Variants in MGRN1 observed in about 807,000 individuals in gnomAD.
The protein encoded by MGRN1 is mahogunin ring finger 1.
A neutral mutation model predicts 69.2 loss-of-function variants in MGRN1; 29 were observed. The ratio of observed to expected loss-of-function variants is 0.42; its 90% confidence interval spans 0.31 to 0.57. The LOEUF is 0.57. Among genes scored for constraint, MGRN1 ranks in the 20% least tolerant of loss-of-function variants. MGRN1 has a pLI of 0.15. For missense variants in MGRN1, 998 were observed against 796.2 expected (o/e 1.25, Z -3.05); for synonymous variants, 470 against 344.2 (o/e 1.37, Z -4.04).
chr16:4,657,137 C>G lies in MGRN1; in HGVS notation c.444-109C>G, dbSNP rs1055606186. On this transcript the variant is annotated intron_variant, in intron 4 of 16. Transcript: ENST00000262370. The stretch of plus-strand genomic sequence containing the variant: ...TTTGCTGTTCCCCATGAGAGAGGGT[C>G]CCCAAAAGACAGGTGTCTGCGGCCC... 7 of 1,029,970 alleles carry G rather than the reference C, an allele frequency of 6.8e-6. No homozygotes were observed. The African/African-American group carries it at 9.5e-5, about 14-fold the overall frequency. The allele number at this position is 1,029,970 out of a possible 1,614,324, so 63.8% of individuals were successfully genotyped here. A position where few individuals can be genotyped will look rare whatever the true frequency, so the allele number is the denominator to read the frequency against.
In MGRN1 at chr16:4,679,585, C is replaced by T. The variant is rs537977242; in HGVS notation, c.1066-447C>T. Among the ~76,000 whole-genome samples, 3 of 152,292 alleles carry T rather than the reference C, an allele frequency of 2.0e-5. No individual in the cohort carries two copies. The South Asian group carries it at 6.2e-4, about 32-fold the overall frequency. On this transcript the variant is annotated intron_variant, in intron 11 of 16. Transcript: ENST00000262370. Reference sequence around the variant, plus strand: ...TCTGGGGCTGACTCTTCTCCCCAGCCCTCTTGAGGGGTTCATGGTTGGTGA... The same window carrying T: ...TCTGGGGCTGACTCTTCTCCCCAGCTCTCTTGAGGGGTTCATGGTTGGTGA...
chr16:4,663,391 T>TA lies in MGRN1; in HGVS notation c.562-1317dup, dbSNP rs1555454272. ...TTTTTTTTTTTTTTTTTTTTTTTTT[T>TA]ACACCTTTATTGTGTTATAATTACC... On this transcript the variant is annotated intron_variant, in intron 5 of 16. Transcript: ENST00000262370. Among the ~76,000 whole-genome samples the TA allele has an allele frequency of 4.4e-3, 545 of 123,208 alleles. 42 individuals carry two copies. The highest frequency in any genetic ancestry group is 0.018 in the South Asian group (66 of 3,682). The allele number at this position is 123,208 out of a possible 152,430, so 80.8% of individuals were successfully genotyped here.
Position 4,688,066 on chromosome 16 carries a change from C to T in MGRN1, c.1619-730C>T. 5.1e-6 allele frequency: 5 copies of T among 985,444 alleles called. No homozygotes were observed. The South Asian group carries it at 2.3e-4, about 46-fold the overall frequency. 61.0% of individuals were successfully genotyped at this position (985,444 alleles called of 1,614,324 possible). On this transcript the variant is annotated intron_variant, in intron 16 of 16. Transcript: ENST00000262370. ...CAGGGCTCACAGCCTCGGAAACCTG[C>T]TCTCGCCGCGGCCCCCGAAGAAAAT...
In MGRN1 at chr16:4,624,971, T is replaced by C; in HGVS notation, c.11T>C (p.Ile4Thr). 2 of 1,553,070 alleles carry C rather than the reference T, an allele frequency of 1.3e-6. No individual in the cohort carries two copies. Among genetic ancestry groups the C allele is most frequent in the Non-Finnish European group, 1.7e-6 (2 of 1,152,368 alleles). The part of the protein sequence containing the change: MGS[I>T]LSRRIAGVED... The stretch of plus-strand genomic sequence containing the variant: ...GCAGCGCCGCGCACCATGGGCTCCA[T>C]TCTCAGCCGCCGCATCGCGGGGGTG... Residue 4 changes from isoleucine (I) to threonine (T), a missense_variant, in exon 1 of 17, where the codon ATT becomes ACT. Ile to Thr is a moderately conservative substitution (Grantham distance 89, BLOSUM62 -1). Coordinates refer to ENST00000262370, the MANE Select transcript of MGRN1 (RefSeq NM_015246.4).
At chr16:4,685,347 G>T (rs2079286311) in intron 16 of MGRN1, among the ~76,000 whole-genome samples, 1 of 152,226 alleles carries the variant, frequency 6.6e-6, no homozygotes, top group South Asian at 2.1e-4. Flanking sequence ...GAAGGATTGG[G>T]ACAGCTACAG....
intron 15 of MGRN1, among the ~76,000 whole-genome samples, chr16:4,683,588 C>G (rs2079239321): frequency 6.6e-6 from 1 of 151,016 alleles, no homozygotes; most frequent in Admixed American, 6.6e-5. Context: ...TCTGAACATC[C>G]AGGACACAGT....
intron 5 of MGRN1, 164 bp from the exon 6 acceptor site, chr16:4,664,545 G>T: frequency 3.0e-6 from 2 of 670,162 alleles, no homozygotes; most frequent in East Asian, 2.6e-5. Context: ...TAAAAAAGGT[G>T]CCAAGCCTGG....
chr16:4,669,056 A>G (rs1431713370), intron 8 of MGRN1: 1 of 152,038 alleles, frequency 6.6e-6, no homozygotes, highest in Non-Finnish European at 1.5e-5. Context: ...ACTCACACAC[A>G]CTTATATATA....
At chr16:4,668,458 C>G in intron 8 of MGRN1, 146 bp downstream of exon 8, 1 of 808,544 alleles carries the variant, frequency 1.2e-6, no homozygotes, top group Middle Eastern at 2.3e-4. Flanking sequence ...CATTCACTTG[C>G]ACATATATAC....
rs992208535 is a variant in MGRN1 at position 4,680,220 on chromosome 16, C to G, written c.1131+123C>G. 6 of 965,524 alleles carry G rather than the reference C, an allele frequency of 6.2e-6. No homozygotes were observed. In the East Asian group the frequency reaches 1.4e-4, roughly 22 times the overall value. The allele number at this position is 965,524 out of a possible 1,614,324, so 59.8% of individuals were successfully genotyped here. Reference sequence around the variant, plus strand: ...TGATTCATATAACCCGTCAGCTCCACTTGCCCAGTCCCGGCCTCCCTGCCC... The same window carrying G: ...TGATTCATATAACCCGTCAGCTCCAGTTGCCCAGTCCCGGCCTCCCTGCCC... On this transcript the variant is annotated intron_variant, in intron 12 of 16. Transcript: ENST00000262370.
Position 4,681,536 on chromosome 16 carries a change from C to A in MGRN1, c.1132-14C>A. ...CCCTGGGCATGAGCCCCCTCACGCA[C>A]CCTGTCCCTACAGAACTCTGACAGC... On this transcript the variant is annotated splice_polypyrimidine_tract_variant and intron_variant, in intron 12 of 16. Coordinates refer to ENST00000262370, the MANE Select transcript of MGRN1 (RefSeq NM_015246.4). 1.2e-6 allele frequency: 2 copies of A among 1,607,042 alleles called. No homozygotes were observed. The highest frequency in any genetic ancestry group is 1.7e-6 in the Non-Finnish European group (2 of 1,175,590).
At chr16:4,686,581 C>G in intron 16 of MGRN1, 1 of 1,301,694 alleles carries the variant, frequency 7.7e-7, no homozygotes, top group Non-Finnish European at 9.8e-7. Flanking sequence ...TTGAGGGGCC[C>G]TGGAACAGTC....
chr16:4,678,236 C>G (rs1213108080), intron 11 of MGRN1, among the ~76,000 whole-genome samples: 1 of 152,206 alleles, frequency 6.6e-6, no homozygotes, highest in African/African-American at 2.4e-5. Flanking sequence ...TCCAGGCCCA[C>G]CAGGCGCCCT....
intron 5 of MGRN1, among the ~76,000 whole-genome samples, chr16:4,660,074 C>T (rs1266049903): frequency 6.6e-6 from 1 of 152,240 alleles, no homozygotes; most frequent in African/African-American, 2.4e-5. Context: ...GATGCTGGGC[C>T]AGGCATGGCT....
chr16:4,654,844 T>C (rs1394310512), intron 4 of MGRN1, among the ~76,000 whole-genome samples: 6 of 152,182 alleles, frequency 3.9e-5, no homozygotes, highest in Non-Finnish European at 8.8e-5. Context: ...CCTTGGGCTC[T>C]GGCCTTGGGC....
At chr16:4,652,935 C>A in intron 4 of MGRN1, 111 bp downstream of exon 4, 1 of 1,345,320 alleles carries the variant, frequency 7.4e-7, no homozygotes, top group Non-Finnish European at 9.8e-7. Flanking sequence ...TGCTCTTTGA[C>A]CATACTCCCA....
chr16:4,647,516 G>C (rs543111453), intron 1 of MGRN1, among the ~76,000 whole-genome samples: 1 of 152,216 alleles, frequency 6.6e-6, no homozygotes, highest in Non-Finnish European at 1.5e-5. Flanking sequence ...CCCCTCGTCT[G>C]CTCTGCACCA....
intron 1 of MGRN1, among the ~76,000 whole-genome samples, chr16:4,627,594 T>A (rs918138631): frequency 2.0e-5 from 3 of 151,928 alleles, no homozygotes; most frequent in African/African-American, 7.3e-5. Context: ...GAGACCATCC[T>A]GGCTAACACG....
intron 1 of MGRN1, chr16:4,648,938 C>T (rs1330784694): frequency 6.2e-6 from 1 of 161,160 alleles, no homozygotes; most frequent in African/African-American, 2.4e-5. Context: ...TCACCCGGGT[C>T]CTCCTCTCCG....
Sources: allele counts gnomAD v4.1 joint callset (sites outside exome capture counted in the v4.1 genomes callset), GRCh38; gene constraint gnomAD v4.1.1; transcripts MANE v1.5; gene names NCBI Gene and HGNC (gene_info 2026-07-23, HGNC 2026-07-21).